ADGRL4: variants seen among roughly 807,000 people sequenced by gnomAD.
The protein encoded by ADGRL4 is adhesion G protein-coupled receptor L4, also known as EGF, latrophilin and seven transmembrane domain containing 1.
Under a neutral mutation model 74.8 loss-of-function variants are expected in ADGRL4, and 90 were observed. The observed-to-expected ratio is 1.20, with a 90% CI of 1.02 to 1.43. The LOEUF is 1.43. ADGRL4 is among the 40% of genes most tolerant of loss of function. The pLI is 0.00. For synonymous variants in ADGRL4, 311 were observed against 279.2 expected (o/e 1.11, Z -1.14); for missense variants, 881 against 814.3 (o/e 1.08, Z -1.00).
rs144210007 is a variant in ADGRL4, at chr1:78,927,845, A to G, written c.878-754T>C. 1.9e-3 allele frequency among the ~76,000 whole-genome samples: 291 copies of G among 152,296 alleles called. 2 individuals carry two copies. Among genetic ancestry groups the G allele is most frequent in the East Asian group, 3.5e-3 (18 of 5,184 alleles). ...AAGTTGCCAAAGTGTATTGCTATTT[A>G]TGTTTTCTCTCTTAATCTAAAAAGG... On this transcript the variant is annotated intron_variant, in intron 7 of 14. Coordinates refer to ENST00000370742, the MANE Select transcript of ADGRL4 (RefSeq NM_022159.4).
chr1:78,993,979 G>T (rs947394641), intron 2 of ADGRL4, among the ~76,000 whole-genome samples: 1 of 152,150 alleles, frequency 6.6e-6, no homozygotes, highest in South Asian at 2.1e-4. Flanking sequence ...GTAGCAAAGC[G>T]ATTCTTGGGA....
chr1:78,921,554 A>C (rs1649000360), intron 9 of ADGRL4, 59 bp downstream of exon 9: 2 of 1,072,568 alleles, frequency 1.9e-6, no homozygotes, highest in Admixed American at 5.9e-5. Context: ...GTCTCGAATG[A>C]TGCGGAAAAA....
intron 6 of ADGRL4, 115 bp downstream of exon 6, chr1:78,937,692 A>G: frequency 1.1e-6 from 1 of 877,626 alleles, no homozygotes; most frequent in Non-Finnish European, 1.8e-6. Context: ...TGATAAAACT[A>G]CTTTCAATGT....
chr1:78,989,129 C>A (rs890422820), intron 2 of ADGRL4, among the ~76,000 whole-genome samples: 2 of 151,538 alleles, frequency 1.3e-5, no homozygotes, highest in African/African-American at 4.8e-5. Flanking sequence ...TTCATTATTT[C>A]CAAGAAATGA....
At chr1:78,956,332 A>G (rs1401872681) in intron 2 of ADGRL4, among the ~76,000 whole-genome samples, 1 of 152,122 alleles carries the variant, frequency 6.6e-6, no homozygotes, top group East Asian at 1.9e-4. Flanking sequence ...GGAAGCCTAC[A>G]TTGGTTATGT....
At chr1:78,937,782 T>C (rs530272849) in intron 6 of ADGRL4, 25 bp downstream of exon 6, 1 of 1,588,462 alleles carries the variant, frequency 6.3e-7, no homozygotes, top group Admixed American at 1.9e-5. Context: ...ACACAATTAC[T>C]TTTAAATGGA....
In ADGRL4 at chr1:78,961,817, G is replaced by A. The variant is rs75481743; in HGVS notation, c.173-15391C>T. ...AACCTTTGTTACCTTCTCTGTTAAA[G>A]AGCAGTCCTGCATCATGGTACATGG... On this transcript the variant is annotated intron_variant, in intron 2 of 14. Transcript: ENST00000370742. Among the ~76,000 whole-genome samples the A allele has an allele frequency of 2.9e-3, 435 of 152,130 alleles. 1 individual carries two copies. The highest frequency in any genetic ancestry group is 5.2e-3 in the Non-Finnish European group (356 of 67,988).
At chr1:78,891,479 G>T in intron 14 of ADGRL4, 45 bp downstream of exon 14, 1 of 1,562,502 alleles carries the variant, frequency 6.4e-7, no homozygotes, top group Non-Finnish European at 8.7e-7. Context: ...GGCAACTGAT[G>T]TTACATGAAT....
At chr1:79,001,402 T>G (rs1476993211) in intron 2 of ADGRL4, among the ~76,000 whole-genome samples, 1 of 150,950 alleles carries the variant, frequency 6.6e-6, no homozygotes, top group Non-Finnish European at 1.5e-5. Flanking sequence ...AAACAAATAT[T>G]TTTAAAATGC....
At chr1:78,936,891 C>T (rs986477793) in intron 6 of ADGRL4, among the ~76,000 whole-genome samples, 3 of 151,990 alleles carry the variant, frequency 2.0e-5, no homozygotes, top group Admixed American at 1.3e-4. Context: ...TTAGAGTAAA[C>T]GATGAATCCT....
At chr1:78,904,680 G>T (rs12097006) in intron 12 of ADGRL4, among the ~76,000 whole-genome samples, 9,451 of 151,912 alleles carry the variant, frequency 0.062, 325 homozygotes, top group South Asian at 0.097. Flanking sequence ...GGACTAAATG[G>T]ACCTTAGAGC....
At chr1:78,979,423 C>G (rs1396288213) in intron 2 of ADGRL4, among the ~76,000 whole-genome samples, 1 of 151,888 alleles carries the variant, frequency 6.6e-6, no homozygotes, top group African/African-American at 2.4e-5. Context: ...TCTTATGGCT[C>G]TAATTTGCCA....
intron 2 of ADGRL4, among the ~76,000 whole-genome samples, chr1:78,950,398 A>T (rs78900146): frequency 0.012 from 1,770 of 152,238 alleles, 32 homozygotes; most frequent in African/African-American, 0.04. Context: ...AACGCTTGCC[A>T]AGAATTTGGA....
chr1:78,930,585 GGA>G lies in ADGRL4; in HGVS notation c.878-3496_878-3495del, dbSNP rs535273172. ...TCTGCCTCAGCCACCTGAGTAGCTG[GGA>G]TTACAGGCACCCACCATCACACCTG... On this transcript the variant is annotated intron_variant, in intron 7 of 14. Coordinates refer to ENST00000370742, the MANE Select transcript of ADGRL4 (RefSeq NM_022159.4). Among the ~76,000 whole-genome samples the G allele has an allele frequency of 9.8e-4, 147 of 150,400 alleles. 6 individuals are homozygous for G. Among genetic ancestry groups the G allele is most frequent in the African/African-American group, 3.5e-3 (142 of 40,210 alleles).
chr1:78,995,155 T>C (rs1420086079), intron 2 of ADGRL4, among the ~76,000 whole-genome samples: 3 of 152,210 alleles, frequency 2.0e-5, no homozygotes, highest in East Asian at 3.9e-4. Context: ...GGAGAGCAAA[T>C]ATAAAAATCA....
chr1:78,898,574 A>G (rs1370513944), intron 12 of ADGRL4, among the ~76,000 whole-genome samples: 2 of 152,066 alleles, frequency 1.3e-5, no homozygotes, highest in East Asian at 3.9e-4. Flanking sequence ...GATAGAAATA[A>G]ACAGGGCAAG....
intron 3 of ADGRL4, among the ~76,000 whole-genome samples, chr1:78,942,919 T>A (rs1185284882): frequency 6.6e-6 from 1 of 151,964 alleles, no homozygotes; most frequent in Non-Finnish European, 1.5e-5. Flanking sequence ...AACAGAGACC[T>A]CAGCTCAAAA....
rs1317433081 is a variant in ADGRL4, at chr1:78,918,183, G to A, written c.1462-133C>T. Reference sequence around the variant, plus strand: ...AGTATGCCACTTTATATAATGATTAGTCATATTAAAATACCATGTCAGTTC... The same window carrying A: ...AGTATGCCACTTTATATAATGATTAATCATATTAAAATACCATGTCAGTTC... On this transcript the variant is annotated intron_variant, in intron 10 of 14. Coordinates refer to ENST00000370742, the MANE Select transcript of ADGRL4 (RefSeq NM_022159.4). 4 of 655,552 alleles carry A rather than the reference G, an allele frequency of 6.1e-6. No individual in the cohort carries two copies. In the African/African-American group the frequency reaches 7.3e-5, roughly 12 times the overall value. 40.6% of individuals were successfully genotyped at this position (655,552 alleles called of 1,614,324 possible).
At chr1:78,959,360 A>T (rs1489387) in intron 2 of ADGRL4, among the ~76,000 whole-genome samples, 19,848 of 152,240 alleles carry the variant, frequency 0.13, 1,523 homozygotes, top group East Asian at 0.25. Context: ...GTATATTTAG[A>T]AACTGCAATC....
Sources: gnomAD v4.1 joint callset for allele counts (sites outside exome capture counted in the v4.1 genomes callset) on GRCh38, gnomAD v4.1.1 for gene constraint, MANE v1.5 for transcripts, NCBI Gene and HGNC (gene_info 2026-07-23, HGNC 2026-07-21) for gene names.